SFXN5: variants seen among roughly 807,000 people sequenced by gnomAD.
SFXN5 encodes sideroflexin-5.
A neutral mutation model predicts 50.2 loss-of-function variants in SFXN5; 43 were observed. The ratio of observed to expected loss-of-function variants is 0.86; its 90% CI spans 0.67 to 1.11. SFXN5 has a LOEUF of 1.11. Ranked by LOEUF, SFXN5 falls within the 50% of genes least tolerant of loss-of-function variation. The pLI is 0.00. For synonymous variants in SFXN5, 203 were observed against 185.8 expected, an observed-to-expected ratio of 1.09 and a Z score of -0.75; for missense variants, 463 against 454.1, an observed-to-expected ratio of 1.02 and a Z score of -0.18.
At chr2:72,946,418 C>G (rs1008119709) in intron 13 of SFXN5, among the ~76,000 whole-genome samples, 2 of 152,210 alleles carry the variant, frequency 1.3e-5, no homozygotes, top group African/African-American at 4.8e-5. Context: ...CACTGCCACC[C>G]CCCACTTCAC....
intron 2 of SFXN5, among the ~76,000 whole-genome samples, chr2:73,047,809 T>C (rs1042148720): frequency 3.3e-5 from 5 of 152,154 alleles, no homozygotes; most frequent in Non-Finnish European, 7.3e-5. Context: ...ATACAGTAAA[T>C]GTGAAATATT....
chr2:72,966,552 C>T (rs1223346960), intron 12 of SFXN5, among the ~76,000 whole-genome samples: 1 of 152,188 alleles, frequency 6.6e-6, no homozygotes, highest in Non-Finnish European at 1.5e-5. Flanking sequence ...ATGCCATGCC[C>T]ATGCTCAGGT....
chr2:73,030,161 G>A (rs1375486681), intron 3 of SFXN5, among the ~76,000 whole-genome samples: 3 of 151,876 alleles, frequency 2.0e-5, no homozygotes, highest in Admixed American at 6.6e-5. Flanking sequence ...TCACAGCACC[G>A]GGATGTGAAC....
At chr2:73,001,726 G>A (rs1673941305) in intron 6 of SFXN5, 148 bp from the exon 7 acceptor site, 1 of 738,806 alleles carries the variant, frequency 1.4e-6, no homozygotes, top group Non-Finnish European at 2.3e-6. Flanking sequence ...GGTTCATTGA[G>A]GGAGAGGCTG....
intron 10 of SFXN5, among the ~76,000 whole-genome samples, chr2:72,979,056 A>T (rs938412393): frequency 6.6e-6 from 1 of 152,258 alleles, no homozygotes; most frequent in African/African-American, 2.4e-5. Flanking sequence ...TAACATAAAT[A>T]AATTTCAAAA....
chr2:72,987,905 T>C (rs1178842798), intron 10 of SFXN5, among the ~76,000 whole-genome samples: 1 of 152,278 alleles, frequency 6.6e-6, no homozygotes, highest in Non-Finnish European at 1.5e-5. Flanking sequence ...TGCTTCTGAC[T>C]GTGGTTTGCT....
chr2:72,952,607 C>T (rs567902112), intron 13 of SFXN5, among the ~76,000 whole-genome samples: 32 of 152,328 alleles, frequency 2.1e-4, no homozygotes, highest in African/African-American at 7.0e-4. Flanking sequence ...CCGCCCCCTA[C>T]CATTTTGGAG....
intron 9 of SFXN5, among the ~76,000 whole-genome samples, chr2:72,993,062 C>CA (rs1227535039): frequency 2.0e-5 from 3 of 152,176 alleles, no homozygotes; most frequent in Non-Finnish European, 4.4e-5. Context: ...ACTCAGACGA[C>CA]AGTCTACAGA....
intron 10 of SFXN5, among the ~76,000 whole-genome samples, chr2:72,980,714 T>C (rs1353524719): frequency 6.6e-6 from 1 of 152,222 alleles, no homozygotes; most frequent in Non-Finnish European, 1.5e-5. Flanking sequence ...TTATCACAGC[T>C]GCCTCTTAGC....
At chr2:73,004,317 A>G (rs558199273) in intron 6 of SFXN5, among the ~76,000 whole-genome samples, 2,703 of 102,864 alleles carry the variant, frequency 0.026, 40 homozygotes, top group Middle Eastern at 0.035. Flanking sequence ...GTGCGCGCGC[A>G]CACACACACA....
rs1473690745 is a variant in SFXN5, at chr2:72,992,885, C to T, written c.535-4537G>A. Among the ~76,000 whole-genome samples the T allele has an allele frequency of 2.0e-5, 3 of 152,176 alleles. No individual in the cohort carries two copies. The highest frequency in any genetic ancestry group is 6.5e-5 in the Admixed American group (1 of 15,284). On this transcript the variant is annotated intron_variant, in intron 9 of 13. Coordinates refer to ENST00000272433, the MANE Select transcript of SFXN5 (RefSeq NM_144579.3). The surrounding 1 kb of genome is among the most constrained non-coding windows in gnomAD (Gnocchi z 4.5). ...CCTGCGGGACTGCCTGGCTTGCTTG[C>T]AAGGCTCTGGCTACCTGTATGAGGA...
At chr2:73,018,131 C>G (rs547023208) in intron 6 of SFXN5, among the ~76,000 whole-genome samples, 239 of 151,972 alleles carry the variant, frequency 1.6e-3, no homozygotes, top group Middle Eastern at 3.4e-3. Flanking sequence ...TCACTTGAGC[C>G]CAGGAGTTTG....
At chr2:73,036,237 T>C (rs1678958777) in intron 3 of SFXN5, among the ~76,000 whole-genome samples, 1 of 152,134 alleles carries the variant, frequency 6.6e-6, no homozygotes, top group Non-Finnish European at 1.5e-5. Flanking sequence ...ATGTCACCAC[T>C]TATCCCCTCT....
rs562920067 is a variant in SFXN5, at chr2:72,944,090, G to A, written c.*932C>T. On this transcript the variant is annotated 3_prime_UTR_variant, in exon 14 of 14. Coordinates refer to ENST00000272433, the MANE Select transcript of SFXN5 (RefSeq NM_144579.3). ...GGGGCAGGCAGCCTTGGTGGCTGGA[G>A]AAGCTCCGCAGAAGGCAGCCAGCCC... 6 of 152,382 alleles carry A rather than the reference G, an allele frequency of 3.9e-5. No individual in the cohort carries two copies. In the East Asian group the frequency reaches 9.7e-4, roughly 25 times the overall value. The allele number at this position is 152,382 out of a possible 1,614,324, so 9.4% of individuals were successfully genotyped here.
At chr2:73,050,115 T>C (rs1213515971) in intron 2 of SFXN5, among the ~76,000 whole-genome samples, 1 of 152,134 alleles carries the variant, frequency 6.6e-6, no homozygotes. Flanking sequence ...CCCAAGGCCT[T>C]GGACAGCCCC....
intron 3 of SFXN5, among the ~76,000 whole-genome samples, chr2:73,026,996 G>A (rs1677640668): frequency 6.6e-6 from 1 of 152,082 alleles, no homozygotes; most frequent in Non-Finnish European, 1.5e-5. Context: ...CAAAATGCTG[G>A]GATTACAGGC....
Position 73,048,311 on chromosome 2 carries a change from G to A in SFXN5, c.172-7380C>T, listed in dbSNP as rs113178315. ...CGGCTCACTGCAACCTCCACCTCCC[G>A]AGTTCAAAATTCTTGTGCCTCAGCC... On this transcript the variant is annotated intron_variant, in intron 2 of 13. Transcript: ENST00000272433. Among the ~76,000 whole-genome samples the A allele has an allele frequency of 6.3e-3, 953 of 152,220 alleles. 15 individuals are homozygous for A. Among genetic ancestry groups the A allele is most frequent in the African/African-American group, 0.02 (821 of 41,524 alleles).
At position 73,025,504 on chromosome 2, in the gene SFXN5, G is replaced by A. The variant is rs192137840; in HGVS notation, c.250-2290C>T. On this transcript the variant is annotated intron_variant, in intron 3 of 13. Coordinates refer to ENST00000272433, the MANE Select transcript of SFXN5 (RefSeq NM_144579.3). Reference sequence around the variant, plus strand: ...CTTAAGTTGACTTCTGGTAAGGCACGGTGAAGCCAATGCACAGTGTCATCT... The same window carrying A: ...CTTAAGTTGACTTCTGGTAAGGCACAGTGAAGCCAATGCACAGTGTCATCT... 2.5e-3 allele frequency among the ~76,000 whole-genome samples: 376 copies of A among 152,316 alleles called. 1 individual carries two copies. The highest frequency in any genetic ancestry group is 4.4e-3 in the East Asian group (23 of 5,186).
intron 2 of SFXN5, among the ~76,000 whole-genome samples, chr2:73,048,057 A>G (rs1218877330): frequency 6.6e-6 from 1 of 152,260 alleles, no homozygotes; most frequent in Non-Finnish European, 1.5e-5. Context: ...CTCATAGGTA[A>G]AAGTATATAC....
Sources: gnomAD v4.1 joint callset for allele counts (sites outside exome capture counted in the v4.1 genomes callset) on GRCh38, gnomAD v4.1.1 for gene constraint, Gnocchi (gnomAD v3.1) non-coding constraint, MANE v1.5 for transcripts, NCBI Gene and HGNC (gene_info 2026-07-23, HGNC 2026-07-21) for gene names.